Variants in MAP4K4 observed in about 807,000 individuals in gnomAD.
MAP4K4 encodes the protein HPK/GCK-like kinase HGK.
MAP4K4 carries 38 observed loss-of-function variants against 189.6 expected under a neutral mutation model. That is an observed-to-expected ratio of 0.20 (90% CI 0.15 to 0.26). The LOEUF (loss-of-function observed/expected upper bound fraction) is 0.26. MAP4K4 is among the 10% of genes least tolerant of loss of function. The pLI is 1.00. For missense variants in MAP4K4, 1,054 were observed against 1,726.9 expected (o/e 0.61, Z 6.91); for synonymous variants, 610 against 624.3 (o/e 0.98, Z 0.34).
chr2:101,811,093 G>A (rs1039154962), intron 3 of MAP4K4, among the ~76,000 whole-genome samples: 1 of 152,210 alleles, frequency 6.6e-6, no homozygotes, highest in Non-Finnish European at 1.5e-5. Flanking sequence ...TGAAAGTAGG[G>A]TCGGGCGAGG....
intron 2 of MAP4K4, among the ~76,000 whole-genome samples, chr2:101,721,435 CTT>C (rs397872119): frequency 1.7e-4 from 23 of 131,494 alleles, no homozygotes; most frequent in Non-Finnish European, 1.1e-4. Flanking sequence ...TAGTATATTG[CTT>C]TTTTTTTTTT....
At chr2:101,763,708 T>C (rs986921398) in intron 2 of MAP4K4, among the ~76,000 whole-genome samples, 8 of 152,268 alleles carry the variant, frequency 5.3e-5, no homozygotes, top group Admixed American at 5.2e-4. Flanking sequence ...CTCAGGGAGA[T>C]GAACTAACTT....
At chr2:101,760,593 T>A (rs1458679750) in intron 2 of MAP4K4, among the ~76,000 whole-genome samples, 1 of 151,590 alleles carries the variant, frequency 6.6e-6, no homozygotes, top group Non-Finnish European at 1.5e-5. Context: ...ATTTTGGTTC[T>A]TAAAGTGGCT....
At chr2:101,740,299 G>A (rs1453370302) in intron 2 of MAP4K4, among the ~76,000 whole-genome samples, 1 of 125,522 alleles carries the variant, frequency 8.0e-6, no homozygotes, top group Admixed American at 7.3e-5. Context: ...GACTACAGGC[G>A]CCCGCCACTA....
intron 2 of MAP4K4, among the ~76,000 whole-genome samples, chr2:101,698,847 C>T (rs763250136): frequency 1.1e-4 from 16 of 151,822 alleles, no homozygotes; most frequent in Non-Finnish European, 1.9e-4. Flanking sequence ...TCTTTTTTTC[C>T]CCAAATCCGG....
chr2:101,733,010 G>A (rs1331453287), intron 2 of MAP4K4, among the ~76,000 whole-genome samples: 1 of 152,224 alleles, frequency 6.6e-6, no homozygotes, highest in Admixed American at 6.5e-5. Flanking sequence ...TGTGTCACTC[G>A]GCATCTCTGC....
intron 2 of MAP4K4, among the ~76,000 whole-genome samples, chr2:101,743,825 T>A (rs1184943575): frequency 6.6e-6 from 1 of 152,158 alleles, no homozygotes; most frequent in Non-Finnish European, 1.5e-5. Context: ...ACCTGGCTAA[T>A]TTTTGTATTT....
At chr2:101,777,387 C>T (rs1364377353) in intron 2 of MAP4K4, among the ~76,000 whole-genome samples, 1 of 152,216 alleles carries the variant, frequency 6.6e-6, no homozygotes, top group Non-Finnish European at 1.5e-5. Flanking sequence ...GAAGCTTGAG[C>T]AGAGCCACCA....
chr2:101,876,154 G>A (rs948522708), intron 26 of MAP4K4, among the ~76,000 whole-genome samples: 2 of 152,152 alleles, frequency 1.3e-5, no homozygotes, highest in Admixed American at 6.5e-5. Context: ...GCCAAGTCGC[G>A]AGGCTAGTTT....
Position 101,867,329 on chromosome 2 carries a change from A to G in MAP4K4, c.2454+20A>G, listed in dbSNP as rs2097845987. 6.4e-7 allele frequency: 1 copy of G among 1,561,902 alleles called. No individual in the cohort carries two copies. The highest frequency in any genetic ancestry group is 8.8e-7 in the Non-Finnish European group (1 of 1,142,304). On this transcript the variant is annotated intron_variant, in intron 20 of 32. Transcript: ENST00000324219. ...CCTGCTGTAAGGATTGTGCAGGATC[A>G]GTTTTACTTATTTCAGACTTGAATG... is the stretch of plus-strand genomic sequence containing the variant.
chr2:101,700,792 T>G (rs568410221), intron 2 of MAP4K4, among the ~76,000 whole-genome samples: 2 of 152,162 alleles, frequency 1.3e-5, no homozygotes, highest in Non-Finnish European at 2.9e-5. Context: ...TTTTTTTTTT[T>G]TTTTACTATA....
chr2:101,788,971 A>G (rs13413543), intron 2 of MAP4K4, among the ~76,000 whole-genome samples: 14,820 of 152,204 alleles, frequency 0.097, 1,194 homozygotes, highest in African/African-American at 0.22. Flanking sequence ...GTGTTACCCT[A>G]TCAGATACTC....
chr2:101,857,730 CA>C (rs2097523895), intron 13 of MAP4K4, among the ~76,000 whole-genome samples: 1 of 152,150 alleles, frequency 6.6e-6, no homozygotes, highest in African/African-American at 2.4e-5. Flanking sequence ...CACACCCCCC[CA>C]GTTGGCTTTT....
rs1559240857 is a variant in MAP4K4 at position 101,863,981 on chromosome 2, C to CT, written c.2028dup (p.Lys677Ter). On this transcript the variant is annotated frameshift_variant, in exon 17 of 33. Transcript: ENST00000324219. LOFTEE classifies it high-confidence loss of function. The stretch of plus-strand genomic sequence containing the variant: ...GAGGTGCTCAGTCAGAGCTCTGACT[C>CT]TAAGTCAGAGGCGCCTGACCCTACC... 1.5e-6 allele frequency: 2 copies of CT among 1,367,696 alleles called. No homozygotes were observed. Among genetic ancestry groups the CT allele is most frequent in the Non-Finnish European group, 9.8e-7 (1 of 1,021,810 alleles). 84.7% of individuals were successfully genotyped at this position (1,367,696 alleles called of 1,614,324 possible).
intron 2 of MAP4K4, among the ~76,000 whole-genome samples, chr2:101,719,248 T>C (rs942808306): frequency 6.6e-5 from 10 of 152,226 alleles, no homozygotes; most frequent in African/African-American, 2.4e-4. Context: ...TCTTCCCCCC[T>C]ACTATTTGAT....
chr2:101,745,972 T>TTGTGTG (rs5832985), intron 2 of MAP4K4, among the ~76,000 whole-genome samples: 6,961 of 146,520 alleles, frequency 0.048, 202 homozygotes, highest in Admixed American at 0.1. Context: ...CCTGTTTCCT[T>TTGTGTG]TGTGTGTGTG....
chr2:101,763,930 G>A (rs975115107), intron 2 of MAP4K4, among the ~76,000 whole-genome samples: 1 of 152,122 alleles, frequency 6.6e-6, no homozygotes, highest in Non-Finnish European at 1.5e-5. Flanking sequence ...GGCTGGAGAG[G>A]ACCCTGAGAG....
At chr2:101,854,739 A>G (rs1007596365) in intron 12 of MAP4K4, among the ~76,000 whole-genome samples, 1 of 152,162 alleles carries the variant, frequency 6.6e-6, no homozygotes, top group Admixed American at 6.5e-5. Context: ...CATCCCTGAT[A>G]GCTTTACCCT....
intron 2 of MAP4K4, among the ~76,000 whole-genome samples, chr2:101,777,016 G>T (rs1433912437): frequency 6.6e-6 from 1 of 152,162 alleles, no homozygotes; most frequent in Admixed American, 6.5e-5. Flanking sequence ...GTCATAGCCA[G>T]GCTTTGCCAA....
Sources: allele counts gnomAD v4.1 joint callset (sites outside exome capture counted in the v4.1 genomes callset), GRCh38; gene constraint gnomAD v4.1.1; transcripts MANE v1.5; gene names NCBI Gene and HGNC (gene_info 2026-07-23, HGNC 2026-07-21).